The following COL13A1 variants were observed in gnomAD, a reference collection of about 807,000 sequenced individuals.
The protein encoded by COL13A1 is collagen type XIII alpha 1 chain, also known as collagen alpha-1(XIII) chain.
COL13A1 carries 89 observed loss-of-function variants against 130.9 expected under a neutral mutation model. The observed-to-expected ratio is 0.68, with a 90% CI of 0.57 to 0.81. The LOEUF is 0.81. Among genes scored for constraint, COL13A1 ranks in the 30% least tolerant of loss-of-function variants. The pLI is 0.00. For missense variants in COL13A1, 879 were observed against 934.6 expected (o/e 0.94, Z 0.78); for synonymous variants, 402 against 341.6 (o/e 1.18, Z -1.95).
chr10:69,926,443 T>G (rs1407865902), intron 26 of COL13A1, among the ~76,000 whole-genome samples: 2 of 152,190 alleles, frequency 1.3e-5, no homozygotes, highest in East Asian at 1.9e-4. Context: ...ACCTGCTAGA[T>G]GCCAGTAGCA....
intron 2 of COL13A1, among the ~76,000 whole-genome samples, chr10:69,839,457 C>T (rs190981504): frequency 6.6e-6 from 1 of 152,320 alleles, no homozygotes; most frequent in East Asian, 1.9e-4. Context: ...ATATTTAAGG[C>T]TGACCATGTG....
chr10:69,937,791 CGGAAAGCTAA>C (rs1466077527), intron 34 of COL13A1, 76 bp downstream of exon 34: 2 of 733,198 alleles, frequency 2.7e-6, no homozygotes, highest in East Asian at 5.0e-5. Context: ...GGACAGCCAG[CGGAAAGCTAA>C]GGTTCTAGAG....
intron 38 of COL13A1, among the ~76,000 whole-genome samples, chr10:69,952,113 A>G (rs1031870311): frequency 4.6e-5 from 7 of 152,268 alleles, no homozygotes; most frequent in African/African-American, 1.7e-4. Context: ...ACATATTCAT[A>G]TACAAATAAC....
At chr10:69,821,336 A>T (rs1208561650) in intron 1 of COL13A1, among the ~76,000 whole-genome samples, 4 of 152,230 alleles carry the variant, frequency 2.6e-5, no homozygotes. Flanking sequence ...CTATGGCTGC[A>T]TGAGCATCAC....
chr10:69,836,890 T>C (rs1315061515), intron 2 of COL13A1, among the ~76,000 whole-genome samples: 1 of 150,512 alleles, frequency 6.6e-6, no homozygotes, highest in East Asian at 2.0e-4. Context: ...GGTGGGGGTA[T>C]AAGTGGATGC....
At chr10:69,944,699 A>G (rs1020888074) in intron 36 of COL13A1, among the ~76,000 whole-genome samples, 1 of 149,334 alleles carries the variant, frequency 6.7e-6, no homozygotes, top group Non-Finnish European at 1.5e-5. Flanking sequence ...AGAAAGAAAG[A>G]AAAAGAAAAA....
chr10:69,950,374 G>A (rs936330344), intron 38 of COL13A1, among the ~76,000 whole-genome samples: 17 of 152,170 alleles, frequency 1.1e-4, no homozygotes, highest in African/African-American at 4.1e-4. Context: ...CGGATTTGGG[G>A]CAATTGCACA....
intron 1 of COL13A1, among the ~76,000 whole-genome samples, chr10:69,806,122 G>C (rs1010281854): frequency 1.3e-5 from 2 of 152,254 alleles, no homozygotes; most frequent in African/African-American, 4.8e-5. Flanking sequence ...CATCACCAAA[G>C]GCCATGCACA....
At chr10:69,833,634 T>C (rs1014931846) in intron 2 of COL13A1, among the ~76,000 whole-genome samples, 3 of 152,148 alleles carry the variant, frequency 2.0e-5, no homozygotes, top group Non-Finnish European at 4.4e-5. Flanking sequence ...GAAGTGGCAT[T>C]TGAAGGAATC....
intron 2 of COL13A1, among the ~76,000 whole-genome samples, chr10:69,854,931 T>C (rs2683561): frequency 0.24 from 36,131 of 151,992 alleles, 4,487 homozygotes; most frequent in Non-Finnish European, 0.27. Context: ...CTTTGTCATG[T>C]GTGTAAGGAA....
intron 14 of COL13A1, among the ~76,000 whole-genome samples, chr10:69,901,627 G>A (rs2062190601): frequency 6.6e-6 from 1 of 152,210 alleles, no homozygotes; most frequent in Non-Finnish European, 1.5e-5. Flanking sequence ...CAGCCCATCT[G>A]CAGGGATGGG....
chr10:69,922,257 G>A (rs181589456), intron 22 of COL13A1, among the ~76,000 whole-genome samples: 227 of 152,024 alleles, frequency 1.5e-3, no homozygotes, highest in Admixed American at 3.9e-3. Flanking sequence ...AAAAGATGAG[G>A]CCAAAATAAG....
Position 69,954,180 on chromosome 10 carries a change from C to A in COL13A1, c.2145+1212C>A, listed in dbSNP as rs2070183656. 1.3e-5 allele frequency among the ~76,000 whole-genome samples: 2 copies of A among 152,208 alleles called. 1 individual carries two copies. The highest frequency in any genetic ancestry group is 1.3e-4 in the Admixed American group (2 of 15,290). On this transcript the variant is annotated intron_variant, in intron 39 of 40. Coordinates refer to ENST00000645393, the MANE Select transcript of COL13A1 (RefSeq NM_001368882.1). ...TTCATTCTGTAAATGCCAAGGGTCA[C>A]CCCGCCTAGGCTAGTACTCTGGGGG...
At chr10:69,920,779 GAGCTGACCAATAC>G (rs1268770711) in intron 21 of COL13A1, among the ~76,000 whole-genome samples, 2 of 152,178 alleles carry the variant, frequency 1.3e-5, no homozygotes, top group Non-Finnish European at 2.9e-5. Context: ...ATGGCCGCCT[GAGCTGACCAATAC>G]AGCTGCTCTG....
chr10:69,837,585 A>C (rs1850442198), intron 2 of COL13A1, among the ~76,000 whole-genome samples: 1 of 152,206 alleles, frequency 6.6e-6, no homozygotes, highest in Admixed American at 6.5e-5. Context: ...TCTAGGGATG[A>C]AGTCAGATCC....
chr10:69,918,390 T>G, intron 19 of COL13A1, 73 bp downstream of exon 19: 1 of 1,497,884 alleles, frequency 6.7e-7, no homozygotes, highest in Non-Finnish European at 9.2e-7. Context: ...CTGGAAATCT[T>G]AGACTCAGTG....
At chr10:69,929,115 C>A in intron 28 of COL13A1, 116 bp downstream of exon 28, 1 of 808,798 alleles carries the variant, frequency 1.2e-6, no homozygotes. Flanking sequence ...CCTCCTGCTG[C>A]TCCAAGGCAC....
In COL13A1 at chr10:69,813,327, G is replaced by T. The variant is rs61204432; in HGVS notation, c.295-9042G>T. On this transcript the variant is annotated intron_variant, in intron 1 of 40. Coordinates refer to ENST00000645393, the MANE Select transcript of COL13A1 (RefSeq NM_001368882.1). ...CTGGGGCCCGGTTCCTTGACTCCTT[G>T]CGGCAGTAGCAGGGCCTTGGGTTAG... Among the ~76,000 whole-genome samples the T allele has an allele frequency of 2.0e-5, 3 of 152,126 alleles. 1 individual carries two copies. Among genetic ancestry groups the T allele is most frequent in the Admixed American group, 2.0e-4 (3 of 15,280 alleles).
At position 69,944,170 on chromosome 10, in the gene COL13A1, G is replaced by C; in HGVS notation, c.1960G>C (p.Gly654Arg). The change falls in exon 36 of 41, where the codon GGC becomes CGC. Residue 654 changes from glycine (G) to arginine (R), a missense_variant. Gly to Arg is a moderately radical substitution (Grantham distance 125, BLOSUM62 -2). Around this residue, in one of 3 missense-constraint regions of COL13A1, gnomAD observed 96 missense variants for 147.7 expected, o/e 0.65. Transcript: ENST00000645393. ...AGTTCCAGGCCCAGCGGGACCAAAG[G>C]GCGAGAGGGTGAGTGTCACTGAGCC... ...IGVPGPAGPKGERGSKGDPGM... is the reference protein window; with the variant it reads ...IGVPGPAGPKRERGSKGDPGM... 6.2e-7 allele frequency: 1 copy of C among 1,613,728 alleles called. No homozygotes were observed. The highest frequency in any genetic ancestry group is 1.1e-5 in the South Asian group (1 of 91,070).
Sources: allele counts gnomAD v4.1 joint callset (sites outside exome capture counted in the v4.1 genomes callset), GRCh38; gene constraint gnomAD v4.1.1; regional missense constraint gnomAD v4.1.1; transcripts MANE v1.5; gene names NCBI Gene and HGNC (gene_info 2026-07-23, HGNC 2026-07-21).